PAFAH1B2: variants seen among roughly 807,000 people sequenced by gnomAD.
PAFAH1B2 encodes the protein platelet activating factor acetylhydrolase 1b catalytic subunit 2.
A neutral mutation model predicts 28.0 loss-of-function variants in PAFAH1B2; 8 were observed. That is an observed-to-expected ratio of 0.29 (90% CI 0.17 to 0.52). The LOEUF is 0.52. Among genes scored for constraint, PAFAH1B2 ranks in the 20% least tolerant of loss-of-function variants. PAFAH1B2 has a pLI of 0.97. For missense variants in PAFAH1B2, 190 were observed against 282.6 expected, an observed-to-expected ratio of 0.67 and a Z score of 2.35; for synonymous variants, 104 against 103.2, an observed-to-expected ratio of 1.01 and a Z score of -0.05.
intron 1 of PAFAH1B2, among the ~76,000 whole-genome samples, chr11:117,150,581 T>G (rs924284329): frequency 6.6e-6 from 1 of 152,204 alleles, no homozygotes; most frequent in Non-Finnish European, 1.5e-5. Context: ...GAAGGTATGC[T>G]TTCACGTTTG....
At chr11:117,171,836 G>A, downstream of PAFAH1B2, 1 of 971,938 alleles carries the variant, frequency 1.0e-6, no homozygotes, top group Non-Finnish European at 1.5e-6. Context: ...CACCTCAGTG[G>A]TATACTGTTG....
intron 5 of PAFAH1B2, among the ~76,000 whole-genome samples, chr11:117,164,890 G>A (rs530442064): frequency 6.6e-6 from 1 of 151,882 alleles, no homozygotes; most frequent in Non-Finnish European, 1.5e-5. Flanking sequence ...AAAAAAATTA[G>A]CTGGGCGTGG....
Position 117,170,115 on chromosome 11 carries a change from C to T in PAFAH1B2, c.*2416C>T, listed in dbSNP as rs1194115209. On this transcript the variant is annotated 3_prime_UTR_variant, in exon 6 of 6. Transcript: ENST00000527958. ...TCATTTTTTGCCAGATTTCTTTGCA[C>T]TACTTTAGGTAAAAATAGTTAATCT... is the stretch of plus-strand genomic sequence containing the variant. 9.5e-7 allele frequency: 1 copy of T among 1,054,948 alleles called. No homozygotes were observed. Among genetic ancestry groups the T allele is most frequent in the African/African-American group, 1.7e-5 (1 of 60,460 alleles). 65.3% of individuals were successfully genotyped at this position (1,054,948 alleles called of 1,614,324 possible).
chr11:117,147,514 T>C (rs939565259), intron 1 of PAFAH1B2, among the ~76,000 whole-genome samples: 2 of 152,196 alleles, frequency 1.3e-5, no homozygotes, highest in African/African-American at 4.8e-5. Context: ...GTTTCTCTGA[T>C]TTCCAAATTG....
At chr11:117,163,169 T>TG (rs1253749630) in intron 4 of PAFAH1B2, among the ~76,000 whole-genome samples, 1 of 122,856 alleles carries the variant, frequency 8.1e-6, no homozygotes, top group African/African-American at 3.0e-5. Context: ...CATAAATCGA[T>TG]GCATTAAGAT....
chr11:117,148,775 G>A (rs1956073727), intron 1 of PAFAH1B2, among the ~76,000 whole-genome samples: 1 of 152,098 alleles, frequency 6.6e-6, no homozygotes, highest in South Asian at 2.1e-4. Context: ...TAAAGAGATC[G>A]TATAATTTAT....
downstream of PAFAH1B2, chr11:117,174,874 C>G (rs1012660707): frequency 6.7e-7 from 1 of 1,497,532 alleles, no homozygotes; most frequent in Non-Finnish European, 8.9e-7. Context: ...CTTGGCCTCC[C>G]AAAGTGCTGG....
downstream of PAFAH1B2, among the ~76,000 whole-genome samples, chr11:117,177,859 A>G (rs2030070413): frequency 6.6e-6 from 1 of 152,206 alleles, no homozygotes; most frequent in Admixed American, 6.5e-5. Flanking sequence ...ATTTAGTGTC[A>G]TATCCTGAAT....
intron 1 of PAFAH1B2, among the ~76,000 whole-genome samples, chr11:117,146,994 C>A (rs117592676): frequency 6.6e-6 from 1 of 151,460 alleles, no homozygotes; most frequent in South Asian, 2.1e-4. Context: ...GCCGGCCGGG[C>A]GTGGTGGCTC....
exon 6 of PAFAH1B2, chr11:117,176,162 C>G: frequency 1.8e-6 from 1 of 563,326 alleles, no homozygotes; most frequent in South Asian, 2.3e-5. Flanking sequence ...CTTTCCTCAT[C>G]TGTATAATGA....
chr11:117,149,490 G>A (rs557578416), intron 1 of PAFAH1B2, among the ~76,000 whole-genome samples: 201 of 138,848 alleles, frequency 1.4e-3, no homozygotes, highest in African/African-American at 3.2e-3. Context: ...GCAGTGGCAC[G>A]ATCTCGGCTT....
At chr11:117,172,922 C>T (rs1271292316), downstream of PAFAH1B2, among the ~76,000 whole-genome samples, 1 of 152,152 alleles carries the variant, frequency 6.6e-6, no homozygotes, top group African/African-American at 2.4e-5. Context: ...AGGCTGGTCT[C>T]GAATTCCTGG....
At chr11:117,161,015 A>G (rs1312321413) in intron 3 of PAFAH1B2, 130 bp from the exon 4 acceptor site, 31 of 647,812 alleles carry the variant, frequency 4.8e-5, no homozygotes, top group East Asian at 3.3e-4. Flanking sequence ...GCCCTTAAAC[A>G]GTGTCACACC....
intron 1 of PAFAH1B2, among the ~76,000 whole-genome samples, chr11:117,146,568 C>T (rs1292186733): frequency 6.6e-6 from 1 of 152,128 alleles, no homozygotes; most frequent in Non-Finnish European, 1.5e-5. Context: ...TGGCGTGGGC[C>T]TGCAGTACCA....
At chr11:117,144,895 C>T (rs979189277) in intron 1 of PAFAH1B2, among the ~76,000 whole-genome samples, 4 of 152,204 alleles carry the variant, frequency 2.6e-5, no homozygotes, top group East Asian at 3.9e-4. Context: ...CTCTTCTCTC[C>T]CCTCGCGTCT....
downstream of PAFAH1B2, among the ~76,000 whole-genome samples, chr11:117,172,845 A>G (rs755291217): frequency 6.6e-6 from 1 of 152,204 alleles, no homozygotes; most frequent in Non-Finnish European, 1.5e-5. Context: ...CTGGAATTAC[A>G]GGCGTGTACC....
At chr11:117,173,561 T>C (rs879817392), downstream of PAFAH1B2, among the ~76,000 whole-genome samples, 25 of 152,284 alleles carry the variant, frequency 1.6e-4, no homozygotes, top group Admixed American at 6.5e-4. Flanking sequence ...CAGGTTGGCC[T>C]CAAACACGTA....
rs1956629456 is a variant in PAFAH1B2, at chr11:117,170,585, C to T, written c.*2886C>T. On this transcript the variant is annotated 3_prime_UTR_variant, in exon 6 of 6. Coordinates refer to ENST00000527958, the MANE Select transcript of PAFAH1B2 (RefSeq NM_002572.4). ...GAAACCTTAACCCAACAAAACAAAT[C>T]TTGAGTAGCTCATGCCCGGCTCTTA... The T allele has an allele frequency of 9.6e-7, 1 of 1,036,492 alleles. No homozygotes were observed. The highest frequency in any genetic ancestry group is 1.2e-6 in the Non-Finnish European group (1 of 866,928). 64.2% of individuals were successfully genotyped at this position (1,036,492 alleles called of 1,614,324 possible).
At chr11:117,149,242 G>C (rs1663180021) in intron 1 of PAFAH1B2, among the ~76,000 whole-genome samples, 1 of 58,560 alleles carries the variant, frequency 1.7e-5, no homozygotes, top group Non-Finnish European at 3.8e-5. Context: ...TACCATGCCA[G>C]GCTAATTTCT....
Sources: gnomAD v4.1 joint callset for allele counts (sites outside exome capture counted in the v4.1 genomes callset) on GRCh38, gnomAD v4.1.1 for gene constraint, MANE v1.5 for transcripts, NCBI Gene and HGNC (gene_info 2026-07-23, HGNC 2026-07-21) for gene names.